Variants in PGBD1 observed in about 807,000 individuals in gnomAD.
PGBD1 encodes the protein piggyBac transposable element derived 1.
In PGBD1, 25 loss-of-function variants were observed where a neutral mutation model predicts 34.7. The ratio of observed to expected loss-of-function variants is 0.72; its 90% CI spans 0.52 to 1.00. The LOEUF (loss-of-function observed/expected upper bound fraction) is 1.00, where lower values mean the gene tolerates loss of function less well. PGBD1 is among the 50% of genes least tolerant of loss of function. The pLI, the probability that PGBD1 is intolerant of heterozygous loss-of-function variation, is 0.00. For synonymous variants in PGBD1, 292 were observed against 335.7 expected, an observed-to-expected ratio of 0.87 and a Z score of 1.42; for missense variants, 830 against 959.4, an observed-to-expected ratio of 0.87 and a Z score of 1.78.
intron 4 of PGBD1, among the ~76,000 whole-genome samples, chr6:28,287,923 G>A (rs1762335986): frequency 6.6e-6 from 1 of 152,078 alleles, no homozygotes; most frequent in Non-Finnish European, 1.5e-5. Context: ...GTAATTTAAT[G>A]GTATAATGTA....
At position 28,284,220 on chromosome 6, in the gene PGBD1, A is replaced by G. The variant is rs552534758; in HGVS notation, c.396+11A>G. On this transcript the variant is annotated intron_variant, in intron 2 of 6. Transcript: ENST00000682144. ...GACACAGGACAACAGGTGGGAAGAG[A>G]ATGTGTGTGGTGATGTGGGAGAAGA... 9.9e-6 allele frequency: 15 copies of G among 1,516,282 alleles called. No homozygotes were observed. The South Asian group carries it at 2.0e-4, about 20-fold the overall frequency. The allele number at this position is 1,516,282 out of a possible 1,614,324, so 93.9% of individuals were successfully genotyped here. A position where few individuals can be genotyped will look rare whatever the true frequency, so the allele number is the denominator to read the frequency against.
intron 4 of PGBD1, among the ~76,000 whole-genome samples, chr6:28,290,286 G>A (rs952626028): frequency 6.6e-6 from 1 of 152,044 alleles, no homozygotes; most frequent in African/African-American, 2.4e-5. Context: ...TTGTAGACCT[G>A]GGTTTTTGCC....
chr6:28,286,919 A>G (rs1269006670), intron 3 of PGBD1, among the ~76,000 whole-genome samples, 161 bp from the exon 4 acceptor site: 1 of 152,190 alleles, frequency 6.6e-6, no homozygotes, highest in Non-Finnish European at 1.5e-5. Context: ...TTCTGACAGA[A>G]TGAAAGCAGT....
intron 6 of PGBD1, among the ~76,000 whole-genome samples, chr6:28,299,540 G>A (rs982542222): frequency 1.4e-4 from 21 of 152,170 alleles, no homozygotes; most frequent in African/African-American, 5.1e-4. Context: ...TGCAGACACT[G>A]AAGACACCCT....
intron 5 of PGBD1, 50 bp from the exon 6 acceptor site, chr6:28,297,845 T>TTTTAAAAAAAAAAA: frequency 1.1e-5 from 3 of 283,632 alleles, no homozygotes; most frequent in Non-Finnish European, 1.3e-5. Context: ...TTTTTTTTTT[T>TTTTAAAAAAAAAAA]CAAAATTCAC....
At position 28,297,816 on chromosome 6, in the gene PGBD1, GTTTTTTTT is replaced by G. The variant is rs368634720; in HGVS notation, c.773-57_773-50del. Reference sequence around the variant, plus strand: ...GGAACATCTATTCCCTACCCTGGAAGTTTTTTTTTTTTTTTTTTTTTTTTTTTTTCAAA... The same window carrying G: ...GGAACATCTATTCCCTACCCTGGAAGTTTTTTTTTTTTTTTTTTTTTCAAA... On this transcript the variant is annotated intron_variant, in intron 5 of 6. Transcript: ENST00000682144. The G allele has an allele frequency of 2.4e-3, 841 of 349,898 alleles. 2 individuals are homozygous for G. The highest frequency in any genetic ancestry group is 3.2e-3 in the Non-Finnish European group (660 of 206,808). The allele number at this position is 349,898 out of a possible 1,614,324, so 21.7% of individuals were successfully genotyped here.
rs368732368 is a variant in PGBD1 at position 28,284,037 on chromosome 6, C to T, written c.224C>T (p.Pro75Leu). 49 of 1,614,004 alleles carry T rather than the reference C, an allele frequency of 3.0e-5. No individual in the cohort carries two copies. Among genetic ancestry groups the T allele is most frequent in the African/African-American group, 4.0e-5 (3 of 74,918 alleles). Residue 75 changes from proline to leucine, a missense_variant, in exon 2 of 7, where the codon CCG becomes CTG. Coordinates refer to ENST00000682144, the MANE Select transcript of PGBD1 (RefSeq NM_032507.4). ...GAACTTTGTCATCAATGGCTGAGAC[C>T]GGAGATGCACACCAAGGAACAGATA... is the stretch of plus-strand genomic sequence containing the variant. Reference protein sequence around the residue: ...LRELCHQWLRPEMHTKEQIME... With the variant: ...LRELCHQWLRLEMHTKEQIME...
In PGBD1 at chr6:28,283,960, C is replaced by T. The variant is rs1233847489; in HGVS notation, c.147C>T (p.His49=). ...TQEICRLRFR[H]FCYQEAHGPQ... ...AGATTTGCCGCCTGCGCTTTCGGCA[C>T]TTCTGCTACCAGGAGGCTCACGGAC... The change falls in exon 2 of 7, where the codon CAC becomes CAT. Residue 49 remains histidine, a synonymous_variant. Transcript: ENST00000682144. The T allele has an allele frequency of 6.2e-7, 1 of 1,614,108 alleles. No individual in the cohort carries two copies. The highest frequency in any genetic ancestry group is 8.5e-7 in the Non-Finnish European group (1 of 1,180,036).
Position 28,285,674 on chromosome 6 carries a change from C to T in PGBD1, c.520C>T (p.Gln174Ter), listed in dbSNP as rs749025379. ...AACCACCCTGAAGTGTGAACCTCCA[C>T]AGCGTCCTCAAGGGAACCCCCAAGA... The part of the protein sequence containing the change: ...GITTLKCEPP[Q>*]RPQGNPQEVS... Residue 174 changes from glutamine (Q) to a stop codon, truncating the protein, a stop_gained, in exon 3 of 7, where the codon CAG becomes TAG. Transcript: ENST00000682144. LOFTEE classifies it high-confidence loss of function. The T allele has an allele frequency of 5.0e-6, 8 of 1,614,026 alleles. No homozygotes were observed. The highest frequency in any genetic ancestry group is 1.3e-5 in the African/African-American group (1 of 75,034).
At chr6:28,293,264 CA>C (rs1464719993) in intron 4 of PGBD1, among the ~76,000 whole-genome samples, 3 of 152,158 alleles carry the variant, frequency 2.0e-5, no homozygotes, top group African/African-American at 7.2e-5. Flanking sequence ...TCAAAGATAA[CA>C]TGGCCCTACT....
chr6:28,288,142 C>T (rs974285215), intron 4 of PGBD1, among the ~76,000 whole-genome samples: 1 of 152,106 alleles, frequency 6.6e-6, no homozygotes, highest in African/African-American at 2.4e-5. Flanking sequence ...AGTATTGAGT[C>T]AGATAATACA....
At chr6:28,282,085 A>G (rs1380314000) in intron 1 of PGBD1, among the ~76,000 whole-genome samples, 167 bp downstream of exon 1, 2 of 152,080 alleles carry the variant, frequency 1.3e-5, no homozygotes, top group South Asian at 2.1e-4. Flanking sequence ...TCCTGTCTAT[A>G]TGTTAGGGTT....
At chr6:28,288,015 G>A (rs190724708) in intron 4 of PGBD1, among the ~76,000 whole-genome samples, 20 of 152,302 alleles carry the variant, frequency 1.3e-4, no homozygotes, top group Admixed American at 5.9e-4. Flanking sequence ...AAATAACAAC[G>A]TAGTCAGGTG....
chr6:28,298,132 T>A, intron 6 of PGBD1, 141 bp downstream of exon 6: 1 of 686,686 alleles, frequency 1.5e-6, no homozygotes. Context: ...TCATAGGAGG[T>A]CCATGCCAAG....
intron 3 of PGBD1, among the ~76,000 whole-genome samples, chr6:28,285,936 G>A (rs1185281793): frequency 6.6e-6 from 1 of 152,148 alleles, no homozygotes. Context: ...CATTCTGTAC[G>A]TAGGTCTTCA....
chr6:28,297,845 T>TTAAAAAA, intron 5 of PGBD1, 50 bp from the exon 6 acceptor site: 2 of 283,632 alleles, frequency 7.1e-6, no homozygotes, highest in East Asian at 6.9e-5. Context: ...TTTTTTTTTT[T>TTAAAAAA]CAAAATTCAC....
intron 1 of PGBD1, 90 bp from the exon 2 acceptor site, chr6:28,283,686 T>C (rs1035368484): frequency 1.6e-6 from 2 of 1,217,712 alleles, no homozygotes; most frequent in South Asian, 1.7e-5. Flanking sequence ...GGGACAAAAA[T>C]GTAAGTAGGT....
intron 4 of PGBD1, among the ~76,000 whole-genome samples, chr6:28,291,797 CAT>C (rs1207262441): frequency 6.6e-6 from 1 of 152,160 alleles, no homozygotes. Context: ...GATGGTTCAA[CAT>C]ATGCAAATCA....
intron 5 of PGBD1, among the ~76,000 whole-genome samples, chr6:28,297,621 C>A (rs1053025654): frequency 6.6e-6 from 1 of 152,068 alleles, no homozygotes; most frequent in South Asian, 2.1e-4. Context: ...CCAAAGCACC[C>A]AGCCTAATTT....
Sources: gnomAD v4.1 joint callset for allele counts (sites outside exome capture counted in the v4.1 genomes callset) on GRCh38, gnomAD v4.1.1 for gene constraint, MANE v1.5 for transcripts, NCBI Gene and HGNC (gene_info 2026-07-23, HGNC 2026-07-21) for gene names.